CHLSN: variants seen among roughly 807,000 people sequenced by gnomAD.
CHLSN encodes cholesin.
chr7:1,036,601 G>A, the CHLSN span, among the ~76,000 whole-genome samples: 3 of 152,290 alleles, frequency 2.0e-5, no homozygotes, highest in Admixed American at 6.5e-5. Flanking sequence ...ATGTGTGTCA[G>A]GAGGGTGTAC....
the CHLSN span, among the ~76,000 whole-genome samples, chr7:1,121,413 C>A: frequency 4.6e-5 from 7 of 152,192 alleles, no homozygotes; most frequent in Non-Finnish European, 1.0e-4. Context: ...GGCAGTAATG[C>A]TTCTTGGGGC....
chr7:1,126,004 A>C, the CHLSN span, among the ~76,000 whole-genome samples: 1 of 152,234 alleles, frequency 6.6e-6, no homozygotes, highest in Non-Finnish European at 1.5e-5. Flanking sequence ...TTCAAATTTA[A>C]ATGTATATGC....
the CHLSN span, chr7:985,365 G>A: frequency 6.5e-7 from 1 of 1,535,696 alleles, no homozygotes. Context: ...GTGGAGCCTG[G>A]AGTGATGGGC....
the CHLSN span, among the ~76,000 whole-genome samples, chr7:1,127,793 G>C: frequency 0.017 from 582 of 33,442 alleles, 14 homozygotes; most frequent in African/African-American, 0.045. Flanking sequence ...GCAGTGGCAC[G>C]ATCTCGGCTG....
chr7:987,995 G>A, the CHLSN span, among the ~76,000 whole-genome samples: 1 of 100,678 alleles, frequency 9.9e-6, no homozygotes, highest in Non-Finnish European at 2.3e-5. Context: ...TCCCCTCTGT[G>A]TGTCCTGGGG....
chr7:1,032,386 T>G, the CHLSN span, among the ~76,000 whole-genome samples: 2 of 152,158 alleles, frequency 1.3e-5, no homozygotes, highest in African/African-American at 4.8e-5. Context: ...GAGAATCCAC[T>G]GTGGAGGTGT....
the CHLSN span, chr7:984,852 C>A: frequency 6.8e-7 from 1 of 1,460,578 alleles, no homozygotes; most frequent in East Asian, 2.3e-5. Context: ...CCCAGCCAGT[C>A]TCGCTGCCCT....
chr7:1,016,166 GCAGCACACAGCAGCACACGC>G, the CHLSN span, among the ~76,000 whole-genome samples: 210 of 63,568 alleles, frequency 3.3e-3, 34 homozygotes, highest in African/African-American at 0.016. Context: ...CCAGCACACA[GCAGCACACAGCAGCACACGC>G]CAGCACACAG....
At chr7:990,845 A>G in the CHLSN span, among the ~76,000 whole-genome samples, 1 of 152,104 alleles carries the variant, frequency 6.6e-6, no homozygotes, top group Non-Finnish European at 1.5e-5. Context: ...GTGACTGGTG[A>G]GCCCCTCTGG....
At chr7:985,078 G>A in the CHLSN span, 1 of 1,612,340 alleles carries the variant, frequency 6.2e-7, no homozygotes, top group Non-Finnish European at 8.5e-7. Flanking sequence ...ATGCCTCTCT[G>A]GGCAGCTGGA....
chr7:1,104,964 A>T, the CHLSN span, among the ~76,000 whole-genome samples: 4 of 152,234 alleles, frequency 2.6e-5, no homozygotes, highest in Admixed American at 2.0e-4. Context: ...AACTGAGAAC[A>T]GTAAGTTCAG....
the CHLSN span, among the ~76,000 whole-genome samples, chr7:1,043,140 C>G: frequency 6.6e-6 from 1 of 151,848 alleles, no homozygotes; most frequent in South Asian, 2.1e-4. Flanking sequence ...CACCTGTAAT[C>G]CCAGCTACTC....
the CHLSN span, among the ~76,000 whole-genome samples, chr7:1,105,641 G>C: frequency 6.6e-6 from 1 of 151,708 alleles, no homozygotes; most frequent in Non-Finnish European, 1.5e-5. Flanking sequence ...TTAAGACGAA[G>C]TCTCACTCTG....
At chr7:1,094,531 G>A in the CHLSN span, among the ~76,000 whole-genome samples, 2 of 152,350 alleles carry the variant, frequency 1.3e-5, no homozygotes, top group Admixed American at 6.5e-5. Context: ...GGGGGTGAAC[G>A]GGTGCGGCAC....
chr7:1,059,470 C>CAGTGAGGAGGGTCCAT, the CHLSN span, among the ~76,000 whole-genome samples: 116 of 151,426 alleles, frequency 7.7e-4, no homozygotes, highest in African/African-American at 2.7e-3. Flanking sequence ...AACAGGTCTG[C>CAGTGAGGAGGGTCCAT]AGTGAGGAGG....
the CHLSN span, among the ~76,000 whole-genome samples, chr7:1,123,668 G>A: frequency 1.7e-3 from 257 of 151,702 alleles, 1 homozygote; most frequent in African/African-American, 5.5e-3. The surrounding 1 kb of genome is among the most constrained non-coding windows in gnomAD (Gnocchi z 4.4). Flanking sequence ...TATTAGCAGA[G>A]ACACCCCATT....
the CHLSN span, among the ~76,000 whole-genome samples, chr7:1,085,992 T>C: frequency 6.6e-6 from 1 of 152,188 alleles, no homozygotes; most frequent in Non-Finnish European, 1.5e-5. Flanking sequence ...AGCTGTACAG[T>C]ACAAGTTACT....
the CHLSN span, among the ~76,000 whole-genome samples, chr7:1,059,661 G>A: frequency 7.1e-6 from 1 of 140,324 alleles, no homozygotes; most frequent in Non-Finnish European, 1.6e-5. Flanking sequence ...TTAGGGGGGC[G>A]GGTCCATAGT....
the CHLSN span, among the ~76,000 whole-genome samples, chr7:1,122,011 G>A: frequency 6.6e-5 from 10 of 152,198 alleles, no homozygotes; most frequent in African/African-American, 2.4e-5. Context: ...ACGGCACCTT[G>A]ACACATGGAC....
Sources: gnomAD v4.1 joint callset for allele counts (sites outside exome capture counted in the v4.1 genomes callset) on GRCh38, gnomAD v4.1.1 for gene constraint, Gnocchi (gnomAD v3.1) non-coding constraint, MANE v1.5 for transcripts, NCBI Gene and HGNC (gene_info 2026-07-23, HGNC 2026-07-21) for gene names.